COX11: variants seen among roughly 807,000 people sequenced by gnomAD.
COX11 encodes cytochrome c oxidase assembly protein COX11, mitochondrial.
COX11 carries 18 observed loss-of-function variants against 29.4 expected under a neutral mutation model. The observed-to-expected ratio is 0.61, with a 90% CI of 0.42 to 0.91. COX11 has a LOEUF of 0.91. Ranked by LOEUF, COX11 falls within the 40% of genes least tolerant of loss-of-function variation. The probability of loss-of-function intolerance (pLI) is 0.00; values close to 1 mark genes in which losing one functional copy is unlikely to be tolerated. For synonymous variants in COX11, 131 were observed against 124.0 expected (o/e 1.06, Z -0.38); for missense variants, 312 against 346.0 (o/e 0.90, Z 0.78).
Position 54,968,462 on chromosome 17 carries a change from C to G in COX11, c.185G>C (p.Arg62Pro), listed in dbSNP as rs2144215264. ...WLGTWKRCSL[R>P]ARHPALQPPR... ...CGGCTGCAATGCTGGATGCCGGGCT[C>G]GAAGGCTGCAGCGCTTCCATGTCCC... Residue 62 changes from arginine to proline, a missense_variant, in exon 1 of 4, where the codon CGA (arginine) becomes CCA (proline). By Grantham distance (103) the Arg-to-Pro change is moderately radical. Transcript: ENST00000299335. 1.2e-6 allele frequency: 2 copies of G among 1,613,458 alleles called. No individual in the cohort carries two copies. The highest frequency in any genetic ancestry group is 1.7e-6 in the Non-Finnish European group (2 of 1,180,002).
intron 3 of COX11, 118 bp from the exon 4 acceptor site, chr17:54,963,033 T>C: frequency 1.1e-6 from 1 of 897,020 alleles, no homozygotes; most frequent in South Asian, 1.8e-5. Flanking sequence ...AGCATACTAT[T>C]AAATACACAG....
At chr17:54,968,194 C>A in intron 1 of COX11, 87 bp downstream of exon 1, 1 of 1,534,766 alleles carries the variant, frequency 6.5e-7, no homozygotes, top group East Asian at 2.3e-5. Flanking sequence ...CCACCTACGA[C>A]CCGCAGAGCG....
At chr17:54,953,948 G>A (rs1438881095) in exon 1 of COX11, 1 of 152,152 alleles carries the variant, frequency 6.6e-6, no homozygotes, top group Non-Finnish European at 1.5e-5. Context: ...GAATGCTGAT[G>A]GATTTTCATT....
chr17:54,967,038 GCGCGCACACACACACACACACACACA>G (rs758107118), intron 1 of COX11, among the ~76,000 whole-genome samples: 34,770 of 100,170 alleles, frequency 0.35, 4,483 homozygotes, highest in South Asian at 0.46. Flanking sequence ...ACGTGCGCGC[GCGCGCACACACACACACACACACACA>G]CACACACACG....
chr17:54,958,703 G>A (rs543046392), downstream of COX11, among the ~76,000 whole-genome samples: 13 of 135,924 alleles, frequency 9.6e-5, no homozygotes, highest in South Asian at 1.4e-3. Context: ...GCACTCTAGC[G>A]TGGGCAACAA....
intron 1 of COX11, among the ~76,000 whole-genome samples, chr17:54,967,945 T>C (rs1256991023): frequency 1.3e-5 from 2 of 149,522 alleles, no homozygotes; most frequent in Non-Finnish European, 3.0e-5. Flanking sequence ...AAAGCGTGTG[T>C]GCGCAGGAGG....
exon 1 of COX11, chr17:54,954,283 G>A (rs60318079): frequency 2.0e-5 from 3 of 151,988 alleles, no homozygotes; most frequent in African/African-American, 2.4e-5. Flanking sequence ...TGAGAGTTAC[G>A]AACTCTCGTG....
Position 54,968,317 on chromosome 17 carries a change from G to C in COX11, c.330C>G (p.Ser110=). 1.2e-6 allele frequency: 2 copies of C among 1,612,818 alleles called. No homozygotes were observed. The part of the protein sequence containing the change: ...AAVAVGMLGA[S]YAAVPLYRLY... ...GCCGATAAAGGGGTACGGCAGCGTA[G>C]GACGCCCCCAGCATGCCCACGGCGA... Residue 110 remains serine, a synonymous_variant, in exon 1 of 4, where the codon TCC becomes TCG. Transcript: ENST00000299335.
rs1395690773 is a variant in COX11, at chr17:54,961,887, A to G, written c.*846T>C. 3 of 913,816 alleles carry G rather than the reference A, an allele frequency of 3.3e-6. No individual in the cohort carries two copies. The highest frequency in any genetic ancestry group is 3.9e-6 in the Non-Finnish European group (3 of 764,582). The allele number at this position is 913,816 out of a possible 1,614,324, so 56.6% of individuals were successfully genotyped here. ...TTACTGCAACTTAATATTTCTATTT[A>G]GAACACAGAAAATGAAAATATTTAG... On this transcript the variant is annotated 3_prime_UTR_variant, in exon 4 of 4. Transcript: ENST00000299335.
chr17:54,962,870 C>G lies in COX11; in HGVS notation c.694G>C (p.Asp232His). ...TCAATGTAGAAAAACACTGGCATAT[C>G]TACTTCCTCTTGGGGATTAAGCCTT... Reference protein sequence around the residue: ...EQRLNPQEEVDMPVFFYIDPE... With the variant: ...EQRLNPQEEVHMPVFFYIDPE... The change falls in exon 4 of 4, where the codon GAT (aspartate) becomes CAT (histidine). Residue 232 changes from aspartate to histidine, a missense_variant. Physicochemically the swap from Asp to His is moderately conservative, Grantham distance 81 (BLOSUM62 -1). Coordinates refer to ENST00000299335, the MANE Select transcript of COX11 (RefSeq NM_004375.5). The G allele has an allele frequency of 6.2e-7, 1 of 1,613,082 alleles. No homozygotes were observed. Among genetic ancestry groups the G allele is most frequent in the Non-Finnish European group, 8.5e-7 (1 of 1,179,294 alleles).
Position 54,961,875 on chromosome 17 carries a change from A to G in COX11, c.*858T>C, listed in dbSNP as rs1429017867. On this transcript the variant is annotated 3_prime_UTR_variant, in exon 4 of 4. Transcript: ENST00000299335. ...TTTTTTCTCTTTTTACTGCAACTTA[A>G]TATTTCTATTTAGAACACAGAAAAT... 1.1e-6 allele frequency: 1 copy of G among 930,822 alleles called. No individual in the cohort carries two copies. Among genetic ancestry groups the G allele is most frequent in the Non-Finnish European group, 1.3e-6 (1 of 780,170 alleles). The allele number at this position is 930,822 out of a possible 1,614,324, so 57.7% of individuals were successfully genotyped here. A position where few individuals can be genotyped will look rare whatever the true frequency, so the allele number is the denominator to read the frequency against.
intron 1 of COX11, among the ~76,000 whole-genome samples, 160 bp downstream of exon 1, chr17:54,968,121 T>G (rs1017219471): frequency 6.6e-6 from 1 of 151,722 alleles, no homozygotes; most frequent in Non-Finnish European, 1.5e-5. Context: ...TTTGGTGACT[T>G]TGGGTGTTAA....
At chr17:54,963,264 T>C in intron 3 of COX11, 42 bp downstream of exon 3, 1 of 1,579,602 alleles carries the variant, frequency 6.3e-7, no homozygotes, top group Non-Finnish European at 8.6e-7. Flanking sequence ...AACCGTTTCA[T>C]GTATCTTTAT....
At chr17:54,957,665 A>T (rs1339789032), downstream of COX11, 3 of 152,212 alleles carry the variant, frequency 2.0e-5, no homozygotes, top group Non-Finnish European at 2.9e-5. Context: ...GGAAAAGCAC[A>T]GAATCTTGCA....
chr17:54,961,779 G>T lies in COX11; in HGVS notation c.*954C>A. The T allele has an allele frequency of 1.0e-6, 1 of 999,568 alleles. No homozygotes were observed. Among genetic ancestry groups the T allele is most frequent in the Non-Finnish European group, 1.2e-6 (1 of 838,982 alleles). 61.9% of individuals were successfully genotyped at this position (999,568 alleles called of 1,614,324 possible). On this transcript the variant is annotated 3_prime_UTR_variant, in exon 4 of 4. Transcript: ENST00000299335. ...ATTGTCATTTAATTATATTTCAGGT[G>T]TCCTGAACAGGTCACTAGACTCTAC...
exon 1 of COX11, chr17:54,952,606 G>A (rs2049293029): frequency 6.6e-6 from 1 of 151,236 alleles, no homozygotes; most frequent in Admixed American, 6.6e-5. Flanking sequence ...CAAGAGGCTT[G>A]GGCATGGACC....
Position 54,967,042 on chromosome 17 carries a change from G to GCGCACACACACACA in COX11, c.366+1238_366+1239insTGTGTGTGTGTGCG, listed in dbSNP as rs1310473186. Among the ~76,000 whole-genome samples, 37 of 96,122 alleles carry GCGCACACACACACA rather than the reference G, an allele frequency of 3.8e-4. 1 individual carries two copies. Among genetic ancestry groups the GCGCACACACACACA allele is most frequent in the East Asian group, 7.4e-4 (3 of 4,046 alleles). The allele number at this position is 96,122 out of a possible 152,430, so 63.1% of individuals were successfully genotyped here. A position where few individuals can be genotyped will look rare whatever the true frequency, so the allele number is the denominator to read the frequency against. ...TAAATAAATAAACGTGCGCGCGCGCGCACACACACACACACACACACACAC... is the reference window on the plus strand; with the variant it reads ...TAAATAAATAAACGTGCGCGCGCGCGCGCACACACACACACACACACACACACACACACACACAC... On this transcript the variant is annotated intron_variant, in intron 1 of 3. Coordinates refer to ENST00000299335, the MANE Select transcript of COX11 (RefSeq NM_004375.5).
chr17:54,968,640 C>T lies in COX11; in HGVS notation c.7G>A (p.Gly3Arg). Residue 3 changes from glycine to arginine, a missense_variant, in exon 1 of 4, where the codon GGG becomes AGG. By Grantham distance (125) the Gly-to-Arg change is moderately radical. Transcript: ENST00000299335. MG[G>R]LWRPGWRCVP... ...CACCTCCATCCAGGACGCCAGAGCC[C>T]TCCCATAACCCTCTGAACTAACACC... is the stretch of plus-strand genomic sequence containing the variant. 1.2e-6 allele frequency: 2 copies of T among 1,611,866 alleles called. No individual in the cohort carries two copies. The highest frequency in any genetic ancestry group is 1.1e-5 in the South Asian group (1 of 91,048).
At chr17:54,957,596 G>C (rs1253405577), downstream of COX11, 1 of 152,100 alleles carries the variant, frequency 6.6e-6, no homozygotes, top group Admixed American at 6.5e-5. Flanking sequence ...TTTCTTTCTG[G>C]GGGTCAGAAT....
Sources: gnomAD v4.1 joint callset for allele counts (sites outside exome capture counted in the v4.1 genomes callset) on GRCh38, gnomAD v4.1.1 for gene constraint, MANE v1.5 for transcripts, NCBI Gene and HGNC (gene_info 2026-07-23, HGNC 2026-07-21) for gene names.